LMCD1: variants seen among roughly 807,000 people sequenced by gnomAD.
LMCD1 encodes LIM and cysteine-rich domains protein 1.
A neutral mutation model predicts 42.7 loss-of-function variants in LMCD1; 32 were observed. That is an observed-to-expected ratio of 0.75 (90% CI 0.57 to 1.01). The LOEUF (loss-of-function observed/expected upper bound fraction) is 1.01. Ranked by LOEUF, LMCD1 falls within the 50% of genes least tolerant of loss-of-function variation. The pLI is 0.00. For synonymous variants in LMCD1, 178 were observed against 184.9 expected (o/e 0.96, Z 0.30); for missense variants, 458 against 483.1 (o/e 0.95, Z 0.49).
chr3:8,548,912 C>T lies in LMCD1; in HGVS notation c.723+9C>T, dbSNP rs749162849. The T allele has an allele frequency of 6.7e-7, 1 of 1,498,514 alleles. No individual in the cohort carries two copies. Among genetic ancestry groups the T allele is most frequent in the East Asian group, 2.3e-5 (1 of 42,662 alleles). The allele number at this position is 1,498,514 out of a possible 1,614,324, so 92.8% of individuals were successfully genotyped here. On this transcript the variant is annotated intron_variant, in intron 4 of 5. Coordinates refer to ENST00000157600, the MANE Select transcript of LMCD1 (RefSeq NM_014583.4). Reference sequence around the variant, plus strand: ...CCAAAGAAGTGGAATACGTAAGTTTCTCCCATGCTTCCAGCCAGGCTGAAA... The same window carrying T: ...CCAAAGAAGTGGAATACGTAAGTTTTTCCCATGCTTCCAGCCAGGCTGAAA...
At chr3:8,513,958 A>G (rs1694050088) in intron 1 of LMCD1, among the ~76,000 whole-genome samples, 1 of 152,174 alleles carries the variant, frequency 6.6e-6, no homozygotes, top group South Asian at 2.1e-4. Context: ...TCTGCTGGCC[A>G]TCTCACTCAG....
intron 2 of LMCD1, among the ~76,000 whole-genome samples, chr3:8,534,032 A>G (rs751764089): frequency 5.3e-5 from 8 of 151,648 alleles, no homozygotes; most frequent in Admixed American, 1.3e-4. Context: ...CACACTTACT[A>G]TATTTTGGCC....
intron 1 of LMCD1, among the ~76,000 whole-genome samples, chr3:8,506,546 A>T (rs7632006): frequency 0.027 from 4,182 of 152,270 alleles, 109 homozygotes; most frequent in South Asian, 0.13. Context: ...CTCGCAACTC[A>T]CTAGAGCTGA....
rs1357798056 is a variant in LMCD1 at position 8,565,635 on chromosome 3, C to T, written c.927C>T (p.Ser309=). The T allele has an allele frequency of 1.9e-6, 3 of 1,600,032 alleles. No individual in the cohort carries two copies. The highest frequency in any genetic ancestry group is 4.5e-5 in the East Asian group (2 of 44,248). The change falls in exon 5 of 6, where the codon TCC becomes TCT. Residue 309 remains serine, a synonymous_variant. Transcript: ENST00000157600. Reference sequence around the variant, plus strand: ...GCGAGAGTCTGCGGCCCCGGTGCTCCGGCTGCGATGAGGTGGGAGATAGCC... The same window carrying T: ...GCGAGAGTCTGCGGCCCCGGTGCTCTGGCTGCGATGAGGTGGGAGATAGCC... The part of the protein sequence containing the change: ...HYCESLRPRC[S]GCDEIIFAED...
rs765171592 is a variant in LMCD1, at chr3:8,501,895, C to T, written c.-44C>T. 13 of 1,571,070 alleles carry T rather than the reference C, an allele frequency of 8.3e-6. No individual in the cohort carries two copies. The highest frequency in any genetic ancestry group is 3.7e-5 in the Admixed American group (2 of 53,920). ...CTGTCCCCGCTGCGCGCCCTCGCGCCTCTGCCTGAGAAGCCAGGCGCTGTT... is the reference window on the plus strand; with the variant it reads ...CTGTCCCCGCTGCGCGCCCTCGCGCTTCTGCCTGAGAAGCCAGGCGCTGTT... On this transcript the variant is annotated 5_prime_UTR_variant, in exon 1 of 6. Coordinates refer to ENST00000157600, the MANE Select transcript of LMCD1 (RefSeq NM_014583.4).
intron 1 of LMCD1, among the ~76,000 whole-genome samples, chr3:8,519,020 A>G (rs185065198): frequency 1.3e-5 from 2 of 152,326 alleles, no homozygotes; most frequent in East Asian, 3.9e-4. Context: ...GGTGAAGCAT[A>G]GATGAAGGTG....
intron 4 of LMCD1, among the ~76,000 whole-genome samples, chr3:8,559,133 T>C (rs774710424): frequency 6.6e-6 from 1 of 152,044 alleles, no homozygotes; most frequent in Non-Finnish European, 1.5e-5. Context: ...ACGACTCGAT[T>C]CTCTGGCCTT....
At chr3:8,528,981 T>G (rs1178516788) in intron 1 of LMCD1, among the ~76,000 whole-genome samples, 2 of 152,202 alleles carry the variant, frequency 1.3e-5, no homozygotes, top group Non-Finnish European at 2.9e-5. Flanking sequence ...CTTTCTGTTC[T>G]CGGGAGAAAG....
chr3:8,544,924 T>TC (rs1273245323), intron 3 of LMCD1, among the ~76,000 whole-genome samples: 4 of 152,172 alleles, frequency 2.6e-5, no homozygotes, highest in African/African-American at 9.7e-5. Context: ...CAGGCCGTGG[T>TC]CCTGACCTGT....
chr3:8,565,448 A>C lies in LMCD1; in HGVS notation c.740A>C (p.Lys247Thr). ...KEVEYVCELC[K>T]GAAPPDSPVV... Reference sequence around the variant, plus strand: ...TCCTTCCAGGTCTGCGAGCTCTGCAAGGGAGCGGCCCCTCCTGACAGCCCC... The same window carrying C: ...TCCTTCCAGGTCTGCGAGCTCTGCACGGGAGCGGCCCCTCCTGACAGCCCC... Residue 247 changes from lysine to threonine, a missense_variant, in exon 5 of 6, where the codon AAG (lysine) becomes ACG (threonine). By Grantham distance (78) the Lys-to-Thr change is moderately conservative. Coordinates refer to ENST00000157600, the MANE Select transcript of LMCD1 (RefSeq NM_014583.4). The C allele has an allele frequency of 6.2e-7, 1 of 1,614,090 alleles. No individual in the cohort carries two copies. The highest frequency in any genetic ancestry group is 8.5e-7 in the Non-Finnish European group (1 of 1,179,972).
chr3:8,535,164 C>A (rs1184972634), intron 2 of LMCD1, among the ~76,000 whole-genome samples: 1 of 152,162 alleles, frequency 6.6e-6, no homozygotes, highest in Non-Finnish European at 1.5e-5. Flanking sequence ...CTTCCACTTC[C>A]AGCCCTGCTG....
intron 3 of LMCD1, among the ~76,000 whole-genome samples, chr3:8,542,729 G>T (rs1409539032): frequency 6.6e-6 from 1 of 152,244 alleles, no homozygotes; most frequent in Non-Finnish European, 1.5e-5. Context: ...GACCCATGCT[G>T]CTGGGTTCAT....
chr3:8,505,299 C>G (rs1309813580), intron 1 of LMCD1, among the ~76,000 whole-genome samples: 1 of 152,190 alleles, frequency 6.6e-6, no homozygotes, highest in Non-Finnish European at 1.5e-5. Context: ...TCATTCTCAC[C>G]CAACGGGTGC....
At chr3:8,510,774 T>C (rs1693979399) in intron 1 of LMCD1, among the ~76,000 whole-genome samples, 1 of 152,252 alleles carries the variant, frequency 6.6e-6, no homozygotes, top group East Asian at 1.9e-4. Context: ...TTTGTTTTTA[T>C]ATATTGATAC....
chr3:8,556,281 C>T (rs1300188360), intron 4 of LMCD1, among the ~76,000 whole-genome samples: 1 of 152,134 alleles, frequency 6.6e-6, no homozygotes, highest in Non-Finnish European at 1.5e-5. Flanking sequence ...AACTTCAGGT[C>T]ACAATCCGTC....
chr3:8,572,771 A>G lies in LMCD1; in HGVS notation c.*5173A>G, dbSNP rs1350238869. On this transcript the variant is annotated 3_prime_UTR_variant, in exon 6 of 6. Coordinates refer to ENST00000157600, the MANE Select transcript of LMCD1 (RefSeq NM_014583.4). ...AAACTGGTTGCTATGTCCTTTTGAC[A>G]TGGCCCATCATTCTTTAAACACATT... 2 of 152,212 alleles carry G rather than the reference A, an allele frequency of 1.3e-5. No individual in the cohort carries two copies. The highest frequency in any genetic ancestry group is 2.4e-5 in the African/African-American group (1 of 41,456). 9.4% of individuals were successfully genotyped at this position (152,212 alleles called of 1,614,324 possible).
chr3:8,513,990 C>T (rs1360196258), intron 1 of LMCD1, among the ~76,000 whole-genome samples: 3 of 152,114 alleles, frequency 2.0e-5, no homozygotes, highest in Non-Finnish European at 4.4e-5. Flanking sequence ...CACCAAGTCT[C>T]CCTGAAGGTG....
intron 4 of LMCD1, among the ~76,000 whole-genome samples, chr3:8,552,554 C>A (rs1218115771): frequency 6.6e-6 from 1 of 152,188 alleles, no homozygotes; most frequent in Non-Finnish European, 1.5e-5. Flanking sequence ...GCATTGCTAA[C>A]AAGTCCTCGG....
intron 1 of LMCD1, among the ~76,000 whole-genome samples, chr3:8,512,319 TC>T (rs1490960590): frequency 1.3e-5 from 2 of 152,222 alleles, no homozygotes; most frequent in Non-Finnish European, 2.9e-5. Context: ...AAATGTGAGT[TC>T]CTTCTTGCTG....
Sources: allele counts gnomAD v4.1 joint callset (sites outside exome capture counted in the v4.1 genomes callset), GRCh38; gene constraint gnomAD v4.1.1; transcripts MANE v1.5; gene names NCBI Gene and HGNC (gene_info 2026-07-23, HGNC 2026-07-21).